Variants in ACER2 observed in about 807,000 individuals in gnomAD.
ACER2 encodes the protein alkaline ceramidase 2.
Under a neutral mutation model 34.7 loss-of-function variants are expected in ACER2, and 26 were observed. The observed-to-expected ratio is 0.75, with a 90% CI of 0.55 to 1.04. ACER2 has a LOEUF of 1.04. ACER2 is among the 50% of genes least tolerant of loss of function. The pLI is 0.00. For missense variants in ACER2, 352 were observed against 340.8 expected, an observed-to-expected ratio of 1.03 and a Z score of -0.26; for synonymous variants, 138 against 132.1, an observed-to-expected ratio of 1.04 and a Z score of -0.31.
intron 1 of ACER2, 92 bp downstream of exon 1, chr9:19,409,284 C>G: frequency 7.8e-7 from 1 of 1,277,930 alleles, no homozygotes; most frequent in South Asian, 1.3e-5. Context: ...TGGGTCTCTG[C>G]GCGCATCTGG....
intron 3 of ACER2, among the ~76,000 whole-genome samples, chr9:19,430,188 T>A (rs1830708325): frequency 6.6e-6 from 1 of 151,028 alleles, no homozygotes; most frequent in Non-Finnish European, 1.5e-5. Flanking sequence ...AAGCTTTACT[T>A]TGGTTAAAAG....
intron 4 of ACER2, among the ~76,000 whole-genome samples, chr9:19,441,409 A>T (rs1831154475): frequency 6.6e-6 from 1 of 152,130 alleles, no homozygotes. Flanking sequence ...CAAATCCTTG[A>T]CATGCTCCAG....
At chr9:19,412,114 T>G (rs1410569767) in intron 1 of ACER2, among the ~76,000 whole-genome samples, 2 of 152,226 alleles carry the variant, frequency 1.3e-5, no homozygotes, top group East Asian at 3.8e-4. Flanking sequence ...ATTTATTATT[T>G]AGTCATTCCA....
At chr9:19,440,783 T>A (rs1563889143) in intron 4 of ACER2, among the ~76,000 whole-genome samples, 2 of 152,154 alleles carry the variant, frequency 1.3e-5, no homozygotes. Context: ...TAAACTTACG[T>A]CTCCAACCCA....
Position 19,409,185 on chromosome 9 carries a change from A to G in ACER2, c.101A>G (p.Tyr34Cys), listed in dbSNP as rs779397326. ...ATCGTGCCTGCTATCGCCGAGTTCT[A>G]CAACACGGTGCGGGGCGCGGGAGCG... ...YTIVPAIAEF[Y>C]NTISNVLFFI... The change falls in exon 1 of 6, where the codon TAC becomes TGC. Residue 34 changes from tyrosine to cysteine, a missense_variant. Tyr to Cys is a radical substitution (Grantham distance 194). Coordinates refer to ENST00000340967, the MANE Select transcript of ACER2 (RefSeq NM_001010887.3). 6.9e-6 allele frequency: 11 copies of G among 1,591,858 alleles called. No homozygotes were observed. In the Admixed American group the frequency reaches 1.6e-4, roughly 23 times the overall value.
intron 4 of ACER2, among the ~76,000 whole-genome samples, chr9:19,441,048 C>CTT (rs539195950): frequency 1.2e-4 from 17 of 138,910 alleles, no homozygotes; most frequent in Non-Finnish European, 2.2e-4. Flanking sequence ...TTTTCTTTTT[C>CTT]TTTTTTTTTT....
intron 2 of ACER2, 84 bp from the exon 3 acceptor site, chr9:19,424,616 G>A (rs1000059743): frequency 2.5e-6 from 4 of 1,569,600 alleles, no homozygotes; most frequent in Non-Finnish European, 3.4e-6. Context: ...GTTAACCATT[G>A]GTGAAAGGAC....
At chr9:19,422,164 G>A (rs568943897) in intron 1 of ACER2, among the ~76,000 whole-genome samples, 1 of 151,612 alleles carries the variant, frequency 6.6e-6, no homozygotes, top group South Asian at 2.1e-4. Flanking sequence ...AGCCAGGCAT[G>A]GTGGTGCATG....
chr9:19,440,146 G>A (rs187335480), intron 4 of ACER2, among the ~76,000 whole-genome samples: 102 of 152,126 alleles, frequency 6.7e-4, no homozygotes, highest in South Asian at 2.1e-3. Flanking sequence ...TCGGCTGCTC[G>A]CCCAATTAGT....
intron 3 of ACER2, among the ~76,000 whole-genome samples, chr9:19,434,556 C>T (rs923259730): frequency 5.3e-5 from 8 of 152,216 alleles, no homozygotes; most frequent in African/African-American, 1.4e-4. Context: ...GGATCACTCG[C>T]GGTTAGGAGC....
chr9:19,411,518 G>C (rs1216466299), intron 1 of ACER2, among the ~76,000 whole-genome samples: 1 of 152,096 alleles, frequency 6.6e-6, no homozygotes, highest in Non-Finnish European at 1.5e-5. Flanking sequence ...TTACAGGCGT[G>C]AGTCACCATG....
At chr9:19,426,260 CTCTTTCTTTCTTTCTCTT>C (rs1830559305) in intron 3 of ACER2, among the ~76,000 whole-genome samples, 1 of 148,766 alleles carries the variant, frequency 6.7e-6, no homozygotes, top group South Asian at 2.1e-4. Context: ...ACACATTAAT[CTCTTTCTTTCTTTCTCTT>C]TCTTTCTTTC....
intron 1 of ACER2, among the ~76,000 whole-genome samples, chr9:19,417,874 A>G (rs1434994706): frequency 1.3e-5 from 2 of 152,232 alleles, no homozygotes; most frequent in Non-Finnish European, 2.9e-5. Context: ...TAATTAAACT[A>G]AAGAGCTTCT....
chr9:19,434,900 C>G lies in ACER2; in HGVS notation c.366-47C>G, dbSNP rs771536651. The G allele has an allele frequency of 2.5e-6, 4 of 1,607,534 alleles. No individual in the cohort carries two copies. In the East Asian group the frequency reaches 8.9e-5, roughly 36 times the overall value. On this transcript the variant is annotated intron_variant, in intron 3 of 5. Transcript: ENST00000340967. Reference sequence around the variant, plus strand: ...TGCTAACATTAAACAAACAAACAAACAAGAACTCCTTTTCTAATGGATTTG... The same window carrying G: ...TGCTAACATTAAACAAACAAACAAAGAAGAACTCCTTTTCTAATGGATTTG...
intron 4 of ACER2, among the ~76,000 whole-genome samples, chr9:19,436,429 G>GT (rs757332013): frequency 1.2e-4 from 19 of 152,236 alleles, no homozygotes; most frequent in Non-Finnish European, 2.5e-4. Flanking sequence ...TTGGCTCATA[G>GT]TTTTTATGTA....
At chr9:19,444,010 A>G (rs1053467962) in intron 4 of ACER2, among the ~76,000 whole-genome samples, 2 of 152,042 alleles carry the variant, frequency 1.3e-5, no homozygotes, top group Non-Finnish European at 2.9e-5. Flanking sequence ...TCAACTTGTG[A>G]TGAGAGTTAT....
chr9:19,430,660 A>C (rs1830722531), intron 3 of ACER2, among the ~76,000 whole-genome samples: 1 of 152,168 alleles, frequency 6.6e-6, no homozygotes, highest in African/African-American at 2.4e-5. Flanking sequence ...GCCTCCCTAA[A>C]GAAAGCATGT....
intron 3 of ACER2, among the ~76,000 whole-genome samples, chr9:19,429,097 T>C (rs1830671725): frequency 6.6e-6 from 1 of 151,724 alleles, no homozygotes; most frequent in South Asian, 2.1e-4. Context: ...CTGAATTTTT[T>C]ATTGATATGT....
In ACER2 at chr9:19,450,926, T is replaced by C; in HGVS notation, c.*290T>C. On this transcript the variant is annotated 3_prime_UTR_variant, in exon 6 of 6. Transcript: ENST00000340967. ...TTCATGTTGTCACATCTGTTAATCTTTTCTTTAGGATTTCTGGATTTTGTG... is the reference window on the plus strand; with the variant it reads ...TTCATGTTGTCACATCTGTTAATCTCTTCTTTAGGATTTCTGGATTTTGTG... 8.5e-6 allele frequency: 2 copies of C among 235,210 alleles called. No individual in the cohort carries two copies. Among genetic ancestry groups the C allele is most frequent in the Non-Finnish European group, 1.6e-5 (2 of 122,278 alleles). 14.6% of individuals were successfully genotyped at this position (235,210 alleles called of 1,614,324 possible).
Sources: allele counts gnomAD v4.1 joint callset (sites outside exome capture counted in the v4.1 genomes callset), GRCh38; gene constraint gnomAD v4.1.1; transcripts MANE v1.5; gene names NCBI Gene and HGNC (gene_info 2026-07-23, HGNC 2026-07-21).